The following ZNF251 variants were observed in gnomAD, a reference collection of about 807,000 sequenced individuals.
ZNF251 encodes the protein zinc finger protein 251.
A neutral mutation model predicts 13.5 loss-of-function variants in ZNF251; 14 were observed. The ratio of observed to expected loss-of-function variants is 1.04; its 90% CI spans 0.69 to 1.63. ZNF251 has a LOEUF of 1.63. ZNF251 is among the 40% of genes most tolerant of loss of function. ZNF251 has a pLI of 0.00. For synonymous variants in ZNF251, 287 were observed against 295.2 expected, an observed-to-expected ratio of 0.97 and a Z score of 0.28; for missense variants, 764 against 834.9, an observed-to-expected ratio of 0.92 and a Z score of 1.05.
chr8:144,736,159 G>A (rs1166215841), intron 4 of ZNF251, among the ~76,000 whole-genome samples: 3 of 152,148 alleles, frequency 2.0e-5, no homozygotes, highest in Non-Finnish European at 2.9e-5. Flanking sequence ...CATTTCTGAA[G>A]GCTGAGGACC....
In ZNF251 at chr8:144,723,275, G is replaced by A; in HGVS notation, c.385C>T (p.Gln129Ter). 6.2e-7 allele frequency: 1 copy of A among 1,611,480 alleles called. No homozygotes were observed. The highest frequency in any genetic ancestry group is 8.5e-7 in the Non-Finnish European group (1 of 1,178,984). The change falls in exon 5 of 5, where the codon CAG (glutamine) becomes TAG (stop). Residue 129 changes from glutamine (Q) to a stop codon, truncating the protein, a stop_gained. Coordinates refer to ENST00000292562, the MANE Select transcript of ZNF251 (RefSeq NM_138367.2). LOFTEE classifies it low-confidence loss of function (END_TRUNC). ...VSRRLLRDNA[Q>*]AAEFREAWGR... is the part of the protein sequence containing the mutation. The stretch of plus-strand genomic sequence containing the variant: ...CATGCTTCCCGAAACTCAGCGGCCT[G>A]TGCATTATCCCTTAAGAGTCTTCTT...
chr8:144,737,837 C>CAAAA (rs56856212), intron 4 of ZNF251, among the ~76,000 whole-genome samples: 28 of 52,006 alleles, frequency 5.4e-4, no homozygotes, highest in Non-Finnish European at 6.6e-4. Flanking sequence ...GACTCTGTCT[C>CAAAA]AAAAAAAAAA....
rs183330644 is a variant in ZNF251, at chr8:144,732,583, C to T, written c.278-9201G>A. ...ATCCCAGCACTTGGGGAGGCCAAGG[C>T]GGGGGAATCACGAGGTCAGGAGATG... On this transcript the variant is annotated intron_variant, in intron 4 of 4. Transcript: ENST00000292562. Among the ~76,000 whole-genome samples the T allele has an allele frequency of 4.5e-3, 684 of 151,856 alleles. 1 individual carries two copies. Among genetic ancestry groups the T allele is most frequent in the Non-Finnish European group, 7.4e-3 (504 of 67,946 alleles).
chr8:144,734,964 C>T lies in ZNF251; in HGVS notation c.278-11582G>A, dbSNP rs1300712713. 2.0e-5 allele frequency among the ~76,000 whole-genome samples: 3 copies of T among 152,024 alleles called. No individual in the cohort carries two copies. Among genetic ancestry groups the T allele is most frequent in the Non-Finnish European group, 4.4e-5 (3 of 68,020 alleles). Reference sequence around the variant, plus strand: ...TGGTGCATGCCTGTGATCCCAGCTACTTGGGAGGCTGAGGCAGGAGAATCA... The same window carrying T: ...TGGTGCATGCCTGTGATCCCAGCTATTTGGGAGGCTGAGGCAGGAGAATCA... On this transcript the variant is annotated intron_variant, in intron 4 of 4. Coordinates refer to ENST00000292562, the MANE Select transcript of ZNF251 (RefSeq NM_138367.2). This position sits in a 1 kb window ranked among gnomAD's most constrained non-coding sequence, Gnocchi z 4.4.
intron 1 of ZNF251, 56 bp from the exon 2 acceptor site, chr8:144,754,859 G>A (rs1318766965): frequency 7.4e-6 from 11 of 1,480,082 alleles, no homozygotes; most frequent in Non-Finnish European, 8.1e-6. Flanking sequence ...TGGAAGGATG[G>A]CCAGGAGGCA....
chr8:144,723,252 T>G lies in ZNF251; in HGVS notation c.408A>C (p.Ala136=), dbSNP rs774391932. Residue 136 remains alanine, a synonymous_variant, in exon 5 of 5, where the codon GCA becomes GCC. Coordinates refer to ENST00000292562, the MANE Select transcript of ZNF251 (RefSeq NM_138367.2). ...CTTTGAGTTTGCCCTCACGGCCCCA[T>G]GCTTCCCGAAACTCAGCGGCCTGTG... is the stretch of plus-strand genomic sequence containing the variant. ...DNAQAAEFRE[A]WGREGKLKER... is the part of the protein sequence containing the mutation. 1.2e-6 allele frequency: 2 copies of G among 1,613,400 alleles called. No individual in the cohort carries two copies. Among genetic ancestry groups the G allele is most frequent in the Admixed American group, 3.3e-5 (2 of 59,802 alleles).
Position 144,755,459 on chromosome 8 carries a change from G to T in ZNF251, c.-130C>A, listed in dbSNP as rs530802453. On this transcript the variant is annotated 5_prime_UTR_variant, in exon 1 of 5. Coordinates refer to ENST00000292562, the MANE Select transcript of ZNF251 (RefSeq NM_138367.2). Reference sequence around the variant, plus strand: ...GGAAGCGCCGAGGAGCTGCGCAGTCGCACCGAGCCCGGAACGGACCCTCCC... The same window carrying T: ...GGAAGCGCCGAGGAGCTGCGCAGTCTCACCGAGCCCGGAACGGACCCTCCC... 1 of 1,287,718 alleles carries T rather than the reference G, an allele frequency of 7.8e-7. No individual in the cohort carries two copies. The highest frequency in any genetic ancestry group is 1.0e-6 in the Non-Finnish European group (1 of 988,758). 79.8% of individuals were successfully genotyped at this position (1,287,718 alleles called of 1,614,324 possible). A position where few individuals can be genotyped will look rare whatever the true frequency, so the allele number is the denominator to read the frequency against.
At position 144,754,291 on chromosome 8, in the gene ZNF251, C is replaced by G. The variant is rs368792251; in HGVS notation, c.64G>C (p.Val22Leu). ...CGCCCCTCCGCCTGAGAGAAGTACA[C>G]GGCCACATCCTGGAAGGTCAGCGGC... ...EMPLTFQDVAVYFSQAEGRQL... is the reference protein window; with the variant it reads ...EMPLTFQDVALYFSQAEGRQL... Residue 22 changes from valine to leucine, a missense_variant, in exon 3 of 5, where the codon GTG becomes CTG. By Grantham distance (32) the Val-to-Leu change is conservative. Transcript: ENST00000292562. The G allele has an allele frequency of 6.2e-7, 1 of 1,612,232 alleles. No individual in the cohort carries two copies. Among genetic ancestry groups the G allele is most frequent in the Non-Finnish European group, 8.5e-7 (1 of 1,179,170 alleles).
chr8:144,727,310 A>T (rs1029534838), intron 4 of ZNF251, among the ~76,000 whole-genome samples: 2 of 152,214 alleles, frequency 1.3e-5, no homozygotes, highest in Non-Finnish European at 2.9e-5. Flanking sequence ...CAAGAGAGGC[A>T]GCCTGTCCTT....
intron 2 of ZNF251, 107 bp from the exon 3 acceptor site, chr8:144,754,428 C>A: frequency 6.9e-7 from 1 of 1,457,646 alleles, no homozygotes; most frequent in South Asian, 1.4e-5. Context: ...CTGCTGTGGT[C>A]AGTATGAACT....
chr8:144,732,598 G>C lies in ZNF251; in HGVS notation c.278-9216C>G, dbSNP rs552250234. Among the ~76,000 whole-genome samples the C allele has an allele frequency of 2.6e-4, 40 of 151,064 alleles. 1 individual carries two copies. In the South Asian group the frequency reaches 8.2e-3, roughly 31 times the overall value. ...GAGGCCAAGGCGGGGGAATCACGAG[G>C]TCAGGAGATGGAGACCATCCTGGCC... On this transcript the variant is annotated intron_variant, in intron 4 of 4. Transcript: ENST00000292562.
chr8:144,726,795 G>A (rs908444495), intron 4 of ZNF251, among the ~76,000 whole-genome samples: 10 of 151,724 alleles, frequency 6.6e-5, no homozygotes, highest in African/African-American at 2.2e-4. Context: ...GCGTGAACCC[G>A]GGAGGCGGAG....
intron 4 of ZNF251, among the ~76,000 whole-genome samples, chr8:144,746,572 T>C (rs1824440513): frequency 6.6e-6 from 1 of 152,224 alleles, no homozygotes; most frequent in Non-Finnish European, 1.5e-5. Flanking sequence ...GTATAATTTC[T>C]TCCTTAAATG....
chr8:144,738,324 C>A (rs1008972733), intron 4 of ZNF251, among the ~76,000 whole-genome samples: 2 of 152,176 alleles, frequency 1.3e-5, no homozygotes, highest in Non-Finnish European at 2.9e-5. Context: ...GAAAGGCAAA[C>A]GCTATCCGCC....
chr8:144,721,856 C>T lies in ZNF251; in HGVS notation c.1804G>A (p.Ala602Thr), dbSNP rs761040824. The change falls in exon 5 of 5, where the codon GCC (alanine) becomes ACC (threonine). Residue 602 changes from alanine (A) to threonine (T), a missense_variant. By Grantham distance (58) the Ala-to-Thr change is moderately conservative (BLOSUM62 0). Transcript: ENST00000292562. ...ATAAGGGTTGACTTTCCACTGAAGG[C>T]GTTTCCACATTCTTGACATTTATAG... is the stretch of plus-strand genomic sequence containing the variant. ...KPYKCQECGN[A>T]FSGKSTLIQH... 5.1e-5 allele frequency: 76 copies of T among 1,499,490 alleles called. No individual in the cohort carries two copies. Among genetic ancestry groups the T allele is most frequent in the Non-Finnish European group, 6.4e-5 (72 of 1,124,118 alleles). 92.9% of individuals were successfully genotyped at this position (1,499,490 alleles called of 1,614,324 possible).
At chr8:144,741,187 C>T (rs936691592) in intron 4 of ZNF251, among the ~76,000 whole-genome samples, 1 of 152,194 alleles carries the variant, frequency 6.6e-6, no homozygotes, top group African/African-American at 2.4e-5. Flanking sequence ...CAGGAAAGAA[C>T]ATCTGTGAGT....
intron 4 of ZNF251, chr8:144,729,967 T>C: frequency 1.2e-6 from 1 of 824,820 alleles, no homozygotes. Flanking sequence ...TTTCTCAACA[T>C]TGCAGGCAGG....
At chr8:144,729,317 TTTTA>T (rs1281573669) in intron 4 of ZNF251, among the ~76,000 whole-genome samples, 18 of 146,220 alleles carry the variant, frequency 1.2e-4, no homozygotes, top group Admixed American at 2.8e-4. Flanking sequence ...ATAAGATTCC[TTTTA>T]TTTATTTATT....
chr8:144,755,513 G>A lies in ZNF251; in HGVS notation c.-184C>T, dbSNP rs1039179541. Reference sequence around the variant, plus strand: ...GAACCGGGTCCAGAGCCGGGGAGGGGGCGGGCTAGGATGAAGAGGGCGGGC... The same window carrying A: ...GAACCGGGTCCAGAGCCGGGGAGGGAGCGGGCTAGGATGAAGAGGGCGGGC... On this transcript the variant is annotated 5_prime_UTR_variant, in exon 1 of 5. Coordinates refer to ENST00000292562, the MANE Select transcript of ZNF251 (RefSeq NM_138367.2). 1.3e-5 allele frequency: 17 copies of A among 1,286,314 alleles called. No homozygotes were observed. Among genetic ancestry groups the A allele is most frequent in the Non-Finnish European group, 1.6e-5 (16 of 988,394 alleles). 79.7% of individuals were successfully genotyped at this position (1,286,314 alleles called of 1,614,324 possible).
Sources: gnomAD v4.1 joint callset for allele counts (sites outside exome capture counted in the v4.1 genomes callset) on GRCh38, gnomAD v4.1.1 for gene constraint, Gnocchi (gnomAD v3.1) non-coding constraint, MANE v1.5 for transcripts, NCBI Gene and HGNC (gene_info 2026-07-23, HGNC 2026-07-21) for gene names.